ZBTB48: variants seen among roughly 807,000 people sequenced by gnomAD.
ZBTB48 encodes zinc finger and BTB domain-containing protein 48.
Under a neutral mutation model 64.5 loss-of-function variants are expected in ZBTB48, and 35 were observed. That is an observed-to-expected ratio of 0.54 (90% CI 0.41 to 0.72). The LOEUF (loss-of-function observed/expected upper bound fraction) is 0.72, where lower values mean the gene tolerates loss of function less well. Ranked by LOEUF, ZBTB48 falls within the 30% of genes least tolerant of loss-of-function variation. The pLI, the probability that ZBTB48 is intolerant of heterozygous loss-of-function variation, is 0.00. For missense variants in ZBTB48, 828 were observed against 895.3 expected, an observed-to-expected ratio of 0.92 and a Z score of 0.96; for synonymous variants, 442 against 356.7, an observed-to-expected ratio of 1.24 and a Z score of -2.70.
In ZBTB48 at chr1:6,580,559, C is replaced by T. The variant is rs559740723; in HGVS notation, c.-51C>T. The T allele has an allele frequency of 3.2e-6, 5 of 1,560,832 alleles. 1 individual carries two copies. In the South Asian group the frequency reaches 3.5e-5, roughly 11 times the overall value. ...ACTCCAGGAGCTTTCTCTTGCATAC[C>T]CTCGCTTAGGCTGGCCGGGGTGTCA... On this transcript the variant is annotated 5_prime_UTR_variant, in exon 2 of 11. Transcript: ENST00000377674. The surrounding 1 kb of genome is among the most constrained non-coding windows in gnomAD (Gnocchi z 5.2).
intron 6 of ZBTB48, 76 bp from the exon 7 acceptor site, chr1:6,587,402 T>C (rs1640710956): frequency 5.3e-5 from 85 of 1,607,890 alleles, no homozygotes; most frequent in Non-Finnish European, 7.1e-5. Context: ...GGGGTGCTTG[T>C]GGGTCTCCCA....
chr1:6,589,266 C>G lies in ZBTB48; in HGVS notation c.*54C>G. 6.8e-7 allele frequency: 1 copy of G among 1,469,004 alleles called. No individual in the cohort carries two copies. Among genetic ancestry groups the G allele is most frequent in the South Asian group, 1.4e-5 (1 of 69,742 alleles). 91.0% of individuals were successfully genotyped at this position (1,469,004 alleles called of 1,614,324 possible). On this transcript the variant is annotated 3_prime_UTR_variant, in exon 11 of 11. Coordinates refer to ENST00000377674, the MANE Select transcript of ZBTB48 (RefSeq NM_005341.4). ...CCCCACCCCTCAATAAACCGTGTGG[C>G]TTTGGACTCTCGTATTTCAGCCTGA...
At chr1:6,582,404 A>C in intron 3 of ZBTB48, 105 bp downstream of exon 3, 1 of 1,430,774 alleles carries the variant, frequency 7.0e-7, no homozygotes, top group Non-Finnish European at 9.6e-7. Context: ...TGGGGGATCC[A>C]TCTCAGACCC....
chr1:6,583,613 T>G (rs1375576256), intron 3 of ZBTB48, among the ~76,000 whole-genome samples: 1 of 150,446 alleles, frequency 6.6e-6, no homozygotes, highest in Non-Finnish European at 1.5e-5. Context: ...ATTTTTTTTT[T>G]TTTTTTTGAG....
chr1:6,588,340 G>C lies in ZBTB48; in HGVS notation c.1579G>C (p.Glu527Gln), dbSNP rs1570179105. 1.2e-6 allele frequency: 2 copies of C among 1,608,296 alleles called. No homozygotes were observed. Among genetic ancestry groups the C allele is most frequent in the South Asian group, 1.1e-5 (1 of 90,938 alleles). The change falls in exon 9 of 11, where the codon GAA becomes CAA. Residue 527 changes from glutamate (E) to glutamine (Q), a missense_variant. Transcript: ENST00000377674. ...AAGGCCCTTCAGTTGCGAGTTCTGT[G>C]AACAGCGCTTCACTGAGAAGGGGCC... is the stretch of plus-strand genomic sequence containing the variant. ...GERPFSCEFC[E>Q]QRFTEKGPLL...
rs1570165595 is a variant in ZBTB48, at chr1:6,584,367, C to T, written c.933-1552C>T. 1.3e-5 allele frequency among the ~76,000 whole-genome samples: 2 copies of T among 152,354 alleles called. No homozygotes were observed. The highest frequency in any genetic ancestry group is 4.1e-4 in the South Asian group (2 of 4,830). Reference sequence around the variant, plus strand: ...CACATTTCCATCATCGTGGAGAATCCCCTTGGGCGGCACTGCTTTGGAGTC... The same window carrying T: ...CACATTTCCATCATCGTGGAGAATCTCCTTGGGCGGCACTGCTTTGGAGTC... On this transcript the variant is annotated intron_variant, in intron 3 of 10. Transcript: ENST00000377674. The surrounding 1 kb of genome is among the most constrained non-coding windows in gnomAD (Gnocchi z 4.5).
At position 6,586,037 on chromosome 1, in the gene ZBTB48, G is replaced by A. The variant is rs760981219; in HGVS notation, c.1044+7G>A. 1 of 1,614,000 alleles carries A rather than the reference G, an allele frequency of 6.2e-7. No homozygotes were observed. The highest frequency in any genetic ancestry group is 1.3e-5 in the African/African-American group (1 of 75,050). ...CATGAACCGCTCGGAACAGGTACTT[G>A]GGAGCTGGCCCAGGTACTTGTGGGC... On this transcript the variant is annotated splice_region_variant and intron_variant, in intron 4 of 10. Transcript: ENST00000377674.
At position 6,582,133 on chromosome 1, in the gene ZBTB48, A is replaced by T; in HGVS notation, c.766A>T (p.Arg256Trp). 1 of 1,614,176 alleles carries T rather than the reference A, an allele frequency of 6.2e-7. No individual in the cohort carries two copies. Among genetic ancestry groups the T allele is most frequent in the Non-Finnish European group, 8.5e-7 (1 of 1,180,030 alleles). Residue 256 changes from arginine to tryptophan, a missense_variant, in exon 3 of 11, where the codon AGG becomes TGG. Physicochemically the swap from Arg to Trp is moderately radical, Grantham distance 101. Coordinates refer to ENST00000377674, the MANE Select transcript of ZBTB48 (RefSeq NM_005341.4). Reference protein sequence around the residue: ...MSEPEAVLTRRKSNVIRKPCA... With the variant: ...MSEPEAVLTRWKSNVIRKPCA... ...TGAGCCTGAGGCTGTGCTGACCAGG[A>T]GGAAGTCAAATGTAATCCGAAAGCC...
rs746014142 is a variant in ZBTB48 at position 6,588,237 on chromosome 1, A to T, written c.1516+41A>T. On this transcript the variant is annotated intron_variant, in intron 8 of 10. Transcript: ENST00000377674. ...CCCCTCCCCTCGCCTCCCCATCCTGAGGCCAAGGCCACAGGCTGAGCTCTT... is the reference window on the plus strand; with the variant it reads ...CCCCTCCCCTCGCCTCCCCATCCTGTGGCCAAGGCCACAGGCTGAGCTCTT... The T allele has an allele frequency of 4.6e-5, 74 of 1,612,086 alleles. No homozygotes were observed. The Admixed American group carries it at 1.2e-3, about 27-fold the overall frequency.
chr1:6,580,600 CCTCCAGACCATGGACGG>C lies in ZBTB48; in HGVS notation c.-5_12del. The stretch of plus-strand genomic sequence containing the variant: ...CGGGGTGTCACTTCTGCCTCCCTGC[CCTCCAGACCATGGACGG>C]CTCCTTCGTCCAGCACAGTGTGAGG... On this transcript the variant is annotated start_lost and 5_prime_UTR_variant, in exon 2 of 11. Transcript: ENST00000377674. The surrounding 1 kb of genome is among the most constrained non-coding windows in gnomAD (Gnocchi z 5.2). 6.2e-7 allele frequency: 1 copy of C among 1,602,706 alleles called. No homozygotes were observed. The highest frequency in any genetic ancestry group is 8.5e-7 in the Non-Finnish European group (1 of 1,171,978).
In ZBTB48 at chr1:6,586,514, G is replaced by A. The variant is rs1640672569; in HGVS notation, c.1045-181G>A. 18 of 1,301,992 alleles carry A rather than the reference G, an allele frequency of 1.4e-5. No individual in the cohort carries two copies. In the South Asian group the frequency reaches 2.8e-4, roughly 21 times the overall value. The allele number at this position is 1,301,992 out of a possible 1,614,324, so 80.7% of individuals were successfully genotyped here. ...GCCTGAGAAGGGCCTGGTGTGCGGTGGGCTTGCAGCACTCAGTGATGGTCA... is the reference window on the plus strand; with the variant it reads ...GCCTGAGAAGGGCCTGGTGTGCGGTAGGCTTGCAGCACTCAGTGATGGTCA... On this transcript the variant is annotated intron_variant, in intron 4 of 10. Transcript: ENST00000377674.
intron 7 of ZBTB48, 48 bp downstream of exon 7, chr1:6,587,680 A>C (rs1640725402): frequency 1.2e-6 from 2 of 1,605,542 alleles, no homozygotes; most frequent in South Asian, 1.1e-5. Flanking sequence ...CTGCCAGCCC[A>C]GGCTTGCACC....
chr1:6,587,261 C>G lies in ZBTB48; in HGVS notation c.1194C>G (p.Ile398Met). 1 of 1,614,058 alleles carries G rather than the reference C, an allele frequency of 6.2e-7. No individual in the cohort carries two copies. Among genetic ancestry groups the G allele is most frequent in the Non-Finnish European group, 8.5e-7 (1 of 1,180,036 alleles). The change falls in exon 6 of 11, where the codon ATC (isoleucine) becomes ATG (methionine). Residue 398 changes from isoleucine to methionine, a missense_variant. Coordinates refer to ENST00000377674, the MANE Select transcript of ZBTB48 (RefSeq NM_005341.4). ...AGAAGGACTTGCAGAGCCACATGATCAAACTTCATGGAGCCCCCAAGCCCC... is the reference window on the plus strand; with the variant it reads ...AGAAGGACTTGCAGAGCCACATGATGAAACTTCATGGAGCCCCCAAGCCCC... ...MQKKDLQSHM[I>M]KLHGAPKPHA...
In ZBTB48 at chr1:6,588,950, G is replaced by A. The variant is rs1241345785; in HGVS notation, c.1805G>A (p.Arg602Gln). ...CGGAGGCACATGGAGATCCACGACC[G>A]GGTAGAGAACTACAACCCGCGGCAG... Reference protein sequence around the residue: ...HLRRHMEIHDRVENYNPRQRK... With the variant: ...HLRRHMEIHDQVENYNPRQRK... Residue 602 changes from arginine to glutamine, a missense_variant, in exon 11 of 11, where the codon CGG becomes CAG. Transcript: ENST00000377674. The A allele has an allele frequency of 1.9e-6, 3 of 1,609,322 alleles. No individual in the cohort carries two copies. The highest frequency in any genetic ancestry group is 2.7e-5 in the African/African-American group (2 of 74,810).
chr1:6,588,916 G>A lies in ZBTB48; in HGVS notation c.1771G>A (p.Ala591Thr), dbSNP rs1640778575. Reference protein sequence around the residue: ...TECGYKFTRQAHLRRHMEIHD... With the variant: ...TECGYKFTRQTHLRRHMEIHD... ...GTTCTGAGCTCACCCTCCCCGCCAG[G>A]CCCACCTGCGGAGGCACATGGAGAT... The change falls in exon 11 of 11, where the codon GCC (alanine) becomes ACC (threonine). Residue 591 changes from alanine to threonine, a missense_variant and splice_region_variant. Transcript: ENST00000377674. 6.2e-7 allele frequency: 1 copy of A among 1,613,324 alleles called. No individual in the cohort carries two copies.
chr1:6,586,655 C>G, intron 4 of ZBTB48, 40 bp from the exon 5 acceptor site: 1 of 1,507,636 alleles, frequency 6.6e-7, no homozygotes. Flanking sequence ...AGGCAGAGGC[C>G]CCCGCTGATG....
intron 3 of ZBTB48, among the ~76,000 whole-genome samples, chr1:6,583,966 TAG>T (rs1223910076): frequency 1.3e-5 from 2 of 151,886 alleles, no homozygotes; most frequent in African/African-American, 4.8e-5. Context: ...GTGTGTTTAG[TAG>T]AGACAGGGTT....
intron 8 of ZBTB48, 39 bp from the exon 9 acceptor site, chr1:6,588,239 G>A (rs1315234805): frequency 6.2e-7 from 1 of 1,612,286 alleles, no homozygotes; most frequent in Admixed American, 1.7e-5. Flanking sequence ...CCATCCTGAG[G>A]CCAAGGCCAC....
chr1:6,588,000 C>A (rs1043312014), intron 7 of ZBTB48, 60 bp from the exon 8 acceptor site: 124 of 1,600,096 alleles, frequency 7.7e-5, no homozygotes, highest in Admixed American at 2.0e-4. Context: ...CTAGCTGTAG[C>A]AGAGCAAGGG....
Sources: allele counts gnomAD v4.1 joint callset (sites outside exome capture counted in the v4.1 genomes callset), GRCh38; gene constraint gnomAD v4.1.1; non-coding constraint Gnocchi (gnomAD v3.1); transcripts MANE v1.5; gene names NCBI Gene and HGNC (gene_info 2026-07-23, HGNC 2026-07-21).